NDUFAF7: variants seen among roughly 807,000 people sequenced by gnomAD.
The protein encoded by NDUFAF7 is NADH:ubiquinone oxidoreductase complex assembly factor 7, also known as protein arginine methyltransferase NDUFAF7, mitochondrial.
A neutral mutation model predicts 47.2 loss-of-function variants in NDUFAF7; 48 were observed. The ratio of observed to expected loss-of-function variants is 1.02; its 90% CI spans 0.81 to 1.29. NDUFAF7 has a LOEUF of 1.29. NDUFAF7 is among the 50% of genes most tolerant of loss of function. The pLI, the probability that NDUFAF7 is intolerant of heterozygous loss-of-function variation, is 0.00. For missense variants in NDUFAF7, 635 were observed against 537.6 expected, an observed-to-expected ratio of 1.18 and a Z score of -1.79; for synonymous variants, 217 against 190.0, an observed-to-expected ratio of 1.14 and a Z score of -1.17.
chr2:37,270,313 A>C, the NDUFAF7 span, among the ~76,000 whole-genome samples: 2 of 147,462 alleles, frequency 1.4e-5, no homozygotes, highest in East Asian at 2.0e-4. Context: ...AATTTTACCT[A>C]TTTTACCTTT....
the NDUFAF7 span, among the ~76,000 whole-genome samples, chr2:37,258,682 A>G: frequency 2.0e-5 from 3 of 152,250 alleles, no homozygotes; most frequent in African/African-American, 4.8e-5. Flanking sequence ...TTTCGACCTC[A>G]AAATGATAGG....
At chr2:37,235,436 A>G (rs1020697897) in intron 2 of NDUFAF7, among the ~76,000 whole-genome samples, 1 of 152,064 alleles carries the variant, frequency 6.6e-6, no homozygotes, top group African/African-American at 2.4e-5. Flanking sequence ...AGAAAGTGTT[A>G]GAATTTGGAG....
chr2:37,250,746 G>T (rs1667420611), downstream of NDUFAF7: 1 of 152,126 alleles, frequency 6.6e-6, no homozygotes, highest in Admixed American at 6.6e-5. Flanking sequence ...CAAGCTTCCA[G>T]TATATTTACA....
At chr2:37,242,909 C>A (rs1406116379) in intron 6 of NDUFAF7, among the ~76,000 whole-genome samples, 1 of 151,996 alleles carries the variant, frequency 6.6e-6, no homozygotes, top group Admixed American at 6.6e-5. Flanking sequence ...ATTCTTAATT[C>A]TTCTGATTTG....
downstream of NDUFAF7, chr2:37,253,128 A>G (rs370419695): frequency 7.3e-6 from 11 of 1,514,454 alleles, no homozygotes; most frequent in East Asian, 1.4e-4. Flanking sequence ...ACACAGCAAA[A>G]TATCAGTCCA....
chr2:37,270,734 A>G, the NDUFAF7 span, among the ~76,000 whole-genome samples: 1 of 152,232 alleles, frequency 6.6e-6, no homozygotes, highest in East Asian at 1.9e-4. Context: ...TGTAAGAACC[A>G]TTTTTATAAG....
chr2:37,251,750 T>C (rs1667514581), downstream of NDUFAF7: 1 of 152,118 alleles, frequency 6.6e-6, no homozygotes, highest in Non-Finnish European at 1.5e-5. Context: ...GCAAGAATGA[T>C]AATCTTCATT....
chr2:37,257,863 T>C (rs1020069100), downstream of NDUFAF7, among the ~76,000 whole-genome samples: 2 of 152,100 alleles, frequency 1.3e-5, no homozygotes, highest in Non-Finnish European at 2.9e-5. Context: ...CAGCAACACT[T>C]TTCTATCACT....
downstream of NDUFAF7, chr2:37,256,922 A>G: frequency 6.2e-7 from 1 of 1,613,948 alleles, no homozygotes; most frequent in Non-Finnish European, 8.5e-7. Flanking sequence ...AAAGTCACAC[A>G]GCTTCACCTG....
chr2:37,249,643 GACACACACACACAC>G (rs56208997), downstream of NDUFAF7, among the ~76,000 whole-genome samples: 50 of 132,624 alleles, frequency 3.8e-4, no homozygotes, highest in African/African-American at 4.8e-4. Flanking sequence ...CTGTGATAGA[GACACACACACACAC>G]ACACACACAC....
chr2:37,262,687 CT>C, the NDUFAF7 span, among the ~76,000 whole-genome samples: 1 of 151,004 alleles, frequency 6.6e-6, no homozygotes, highest in Non-Finnish European at 1.5e-5. Flanking sequence ...TTTTTCCCCC[CT>C]GCCCTCCTTT....
chr2:37,240,593 G>A (rs935373925), intron 4 of NDUFAF7, among the ~76,000 whole-genome samples: 2 of 151,936 alleles, frequency 1.3e-5, no homozygotes, highest in East Asian at 3.8e-4. Context: ...AATTTCCAGG[G>A]CTCTATTTTA....
the NDUFAF7 span, chr2:37,269,370 G>C: frequency 6.2e-6 from 3 of 482,496 alleles, no homozygotes; most frequent in Non-Finnish European, 1.1e-5. Context: ...GTATGTGTGA[G>C]CTACAAGAAG....
At chr2:37,234,204 C>T (rs1665502316) in intron 2 of NDUFAF7, among the ~76,000 whole-genome samples, 1 of 152,128 alleles carries the variant, frequency 6.6e-6, no homozygotes, top group Admixed American at 6.5e-5. Context: ...ATTCTTGTGC[C>T]TCAGCCTCCC....
chr2:37,235,419 G>C (rs1665649977), intron 2 of NDUFAF7, among the ~76,000 whole-genome samples: 1 of 152,090 alleles, frequency 6.6e-6, no homozygotes, highest in Admixed American at 6.5e-5. Context: ...GGGCCCATAT[G>C]TGAGGCAGAA....
At chr2:37,251,006 G>A (rs1667445485), downstream of NDUFAF7, 1 of 152,526 alleles carries the variant, frequency 6.6e-6, no homozygotes, top group Admixed American at 6.6e-5. Flanking sequence ...TTAATTTCAT[G>A]GCTTGTAAAG....
At chr2:37,241,511 G>A in intron 4 of NDUFAF7, 67 bp from the exon 5 acceptor site, 4 of 1,263,652 alleles carry the variant, frequency 3.2e-6, no homozygotes, top group African/African-American at 1.5e-5. Flanking sequence ...AATCATTGAT[G>A]TAAATGATTA....
chr2:37,257,462 G>A (rs961488604), downstream of NDUFAF7, among the ~76,000 whole-genome samples: 1 of 151,994 alleles, frequency 6.6e-6, no homozygotes, highest in Non-Finnish European at 1.5e-5. Flanking sequence ...TCAGGAGATT[G>A]AGACCATCCT....
downstream of NDUFAF7, chr2:37,253,522 G>T: frequency 2.1e-6 from 1 of 480,236 alleles, no homozygotes. Flanking sequence ...TTTTAAATGA[G>T]CAATTTAAAG....
Sources: gnomAD v4.1 joint callset for allele counts (sites outside exome capture counted in the v4.1 genomes callset) on GRCh38, gnomAD v4.1.1 for gene constraint, MANE v1.5 for transcripts, NCBI Gene and HGNC (gene_info 2026-07-23, HGNC 2026-07-21) for gene names.